The following VRK1 variants were observed in gnomAD, a reference collection of about 807,000 sequenced individuals.
VRK1 encodes the protein VRK serine/threonine kinase 1.
Under a neutral mutation model 57.1 loss-of-function variants are expected in VRK1, and 33 were observed. The observed-to-expected ratio is 0.58, with a 90% CI of 0.44 to 0.77. The LOEUF (loss-of-function observed/expected upper bound fraction) is 0.77, where lower values mean the gene tolerates loss of function less well. Among genes scored for constraint, VRK1 ranks in the 30% least tolerant of loss-of-function variants. The probability of loss-of-function intolerance (pLI) is 0.00; values close to 1 mark genes in which losing one functional copy is unlikely to be tolerated. For missense variants in VRK1, 413 were observed against 477.3 expected (o/e 0.87, Z 1.25); for synonymous variants, 137 against 147.8 (o/e 0.93, Z 0.53).
intron 12 of VRK1, chr14:96,877,269 C>A (rs1488649177): frequency 3.8e-6 from 1 of 261,550 alleles, no homozygotes; most frequent in Non-Finnish European, 7.7e-6. Context: ...CAAAGAGAAT[C>A]ATTTTTGCCC....
intron 1 of VRK1, among the ~76,000 whole-genome samples, chr14:96,815,312 TTCTA>T (rs2139705282): frequency 6.6e-6 from 1 of 152,320 alleles, no homozygotes; most frequent in South Asian, 2.1e-4. Context: ...GTGTATAATA[TTCTA>T]TCTCTCATCT....
At chr14:96,804,247 G>C (rs1299639329) in intron 1 of VRK1, among the ~76,000 whole-genome samples, 1 of 152,174 alleles carries the variant, frequency 6.6e-6, no homozygotes, top group African/African-American at 2.4e-5. Context: ...TGGATGTCCA[G>C]TTGTTCCAAA....
intron 1 of VRK1, among the ~76,000 whole-genome samples, chr14:96,825,357 G>A (rs886738288): frequency 6.6e-6 from 1 of 152,176 alleles, no homozygotes; most frequent in South Asian, 2.1e-4. Context: ...CATTGTAGAG[G>A]GTGGTTGCTG....
chr14:96,835,265 T>C (rs994171478), intron 2 of VRK1, among the ~76,000 whole-genome samples: 1 of 152,202 alleles, frequency 6.6e-6, no homozygotes, highest in African/African-American at 2.4e-5. Context: ...GAATTTTCTT[T>C]GCATTTTCTT....
intron 1 of VRK1, among the ~76,000 whole-genome samples, chr14:96,827,167 T>C (rs1234567505): frequency 6.6e-6 from 1 of 152,096 alleles, no homozygotes; most frequent in East Asian, 1.9e-4. Context: ...CAAGTGTATG[T>C]ACGTTTGTAA....
intron 10 of VRK1, among the ~76,000 whole-genome samples, chr14:96,857,105 G>T (rs768135822): frequency 6.6e-6 from 1 of 152,126 alleles, no homozygotes; most frequent in Non-Finnish European, 1.5e-5. Flanking sequence ...TGTGTGCCAG[G>T]GACTGGGGGT....
At chr14:96,828,693 T>TC (rs1886892908) in intron 1 of VRK1, among the ~76,000 whole-genome samples, 1 of 152,294 alleles carries the variant, frequency 6.6e-6, no homozygotes, top group East Asian at 1.9e-4. Flanking sequence ...TTTTTTTTTT[T>TC]CTAGGAAGGT....
chr14:96,808,023 GT>G (rs1885972164), intron 1 of VRK1, among the ~76,000 whole-genome samples: 1 of 34,192 alleles, frequency 2.9e-5, no homozygotes, highest in African/African-American at 8.2e-5. Flanking sequence ...CCCTCTGTGT[GT>G]GTGTGTGTGT....
At chr14:96,863,977 G>A (rs558399929) in intron 11 of VRK1, among the ~76,000 whole-genome samples, 1 of 152,238 alleles carries the variant, frequency 6.6e-6, no homozygotes, top group South Asian at 2.1e-4. Flanking sequence ...CAGTCGGGTT[G>A]CCCTGAATGT....
intron 12 of VRK1, among the ~76,000 whole-genome samples, chr14:96,877,993 AT>A (rs1370673803): frequency 2.0e-5 from 3 of 152,182 alleles, no homozygotes; most frequent in African/African-American, 7.2e-5. Context: ...AAGGAGAACA[AT>A]TCAGTTTTTT....
intron 7 of VRK1, among the ~76,000 whole-genome samples, chr14:96,854,570 A>ATAT: frequency 6.6e-6 from 1 of 152,186 alleles, no homozygotes; most frequent in Non-Finnish European, 1.5e-5. Context: ...ACCCACATGT[A>ATAT]TATGCCCACG....
chr14:96,853,477 G>C (rs1888030314), intron 7 of VRK1, among the ~76,000 whole-genome samples: 1 of 152,108 alleles, frequency 6.6e-6, no homozygotes, highest in Non-Finnish European at 1.5e-5. Flanking sequence ...ATGTTTGCCT[G>C]TCTGCTTTGT....
intron 1 of VRK1, among the ~76,000 whole-genome samples, chr14:96,813,490 A>G (rs1014787004): frequency 6.6e-6 from 1 of 152,116 alleles, no homozygotes; most frequent in Non-Finnish European, 1.5e-5. Context: ...TCAGTGGCGT[A>G]TACATCAAGT....
chr14:96,820,942 C>T (rs1223231805), intron 1 of VRK1, among the ~76,000 whole-genome samples: 1 of 152,150 alleles, frequency 6.6e-6, no homozygotes, highest in South Asian at 2.1e-4. Flanking sequence ...TAAACACTTG[C>T]ATCATTGGAA....
At chr14:96,867,848 C>G (rs1888646194) in intron 11 of VRK1, among the ~76,000 whole-genome samples, 1 of 151,916 alleles carries the variant, frequency 6.6e-6, no homozygotes, top group Non-Finnish European at 1.5e-5. Flanking sequence ...TCAGCATATT[C>G]TTGTTTTATT....
intron 12 of VRK1, among the ~76,000 whole-genome samples, 163 bp from the exon 13 acceptor site, chr14:96,881,014 A>T (rs1367378331): frequency 6.6e-6 from 1 of 152,212 alleles, no homozygotes; most frequent in African/African-American, 2.4e-5. Context: ...TTTTCAGAGT[A>T]TTAGCAATCA....
chr14:96,855,555 T>G (rs1455408375), intron 8 of VRK1, among the ~76,000 whole-genome samples, 199 bp downstream of exon 8: 2 of 152,218 alleles, frequency 1.3e-5, no homozygotes, highest in Non-Finnish European at 2.9e-5. Flanking sequence ...TGCCTTTTCC[T>G]CGCAGCCTTC....
intron 10 of VRK1, among the ~76,000 whole-genome samples, chr14:96,857,274 G>A (rs2139806996): frequency 6.6e-6 from 1 of 152,242 alleles, no homozygotes; most frequent in East Asian, 1.9e-4. Context: ...GATGGGGATG[G>A]GGTGGGTAGT....
chr14:96,856,317 T>C (rs751970049), intron 9 of VRK1, 67 bp downstream of exon 9: 12 of 1,574,256 alleles, frequency 7.6e-6, no homozygotes, highest in Non-Finnish European at 1.0e-5. Flanking sequence ...TCACAATTTC[T>C]TGATAGGAAC....
Sources: gnomAD v4.1 joint callset for allele counts (sites outside exome capture counted in the v4.1 genomes callset) on GRCh38, gnomAD v4.1.1 for gene constraint, MANE v1.5 for transcripts, NCBI Gene and HGNC (gene_info 2026-07-23, HGNC 2026-07-21) for gene names.